DTNA: variants seen among roughly 807,000 people sequenced by gnomAD.
DTNA encodes the protein dystrophin-related protein 3.
Under a neutral mutation model 100.7 loss-of-function variants are expected in DTNA, and 43 were observed. The ratio of observed to expected loss-of-function variants is 0.43; its 90% CI spans 0.33 to 0.55. The LOEUF (loss-of-function observed/expected upper bound fraction) is 0.55. DTNA is among the 20% of genes least tolerant of loss of function. The pLI is 0.04. For synonymous variants in DTNA, 349 were observed against 347.9 expected, an observed-to-expected ratio of 1.00 and a Z score of -0.04; for missense variants, 798 against 953.9, an observed-to-expected ratio of 0.84 and a Z score of 2.15.
chr18:34,838,808 T>C lies in DTNA; in HGVS notation c.1317T>C (p.Tyr439=). 4 of 1,613,768 alleles carry C rather than the reference T, an allele frequency of 2.5e-6. No individual in the cohort carries two copies. In the South Asian group the frequency reaches 3.3e-5, roughly 13 times the overall value. ...ATGAACATGTTCTCATCGGGTTGTA[T>C]GTCAACATGCTCCGGAACAACCCCT... ...LADEHVLIGL[Y]VNMLRNNPSC... is the part of the protein sequence containing the mutation. Residue 439 remains tyrosine, a synonymous_variant, in exon 13 of 23, where the codon TAT becomes TAC. Transcript: ENST00000444659.
chr18:34,579,525 A>G (rs890013186), intron 1 of DTNA, among the ~76,000 whole-genome samples: 1 of 152,174 alleles, frequency 6.6e-6, no homozygotes, highest in African/African-American at 2.4e-5. Context: ...TTTCACCCTC[A>G]TGTTGAAAGA....
intron 1 of DTNA, among the ~76,000 whole-genome samples, chr18:34,552,468 G>A (rs878923879): frequency 0.025 from 3,826 of 150,324 alleles, 82 homozygotes; most frequent in Non-Finnish European, 0.039. Context: ...ATGCTGGTGC[G>A]CTGCACCCAC....
chr18:34,826,247 A>G lies in DTNA; in HGVS notation c.1002-1346A>G, dbSNP rs150115984. On this transcript the variant is annotated intron_variant, in intron 9 of 22. Coordinates refer to ENST00000444659, the MANE Select transcript of DTNA (RefSeq NM_001386795.1). ...TTTATTTTTTTATTTTTATTTTTCCATAAGTTATTGGGGTACAGGTGGCAT... is the reference window on the plus strand; with the variant it reads ...TTTATTTTTTTATTTTTATTTTTCCGTAAGTTATTGGGGTACAGGTGGCAT... Among the ~76,000 whole-genome samples, 49 of 152,026 alleles carry G rather than the reference A, an allele frequency of 3.2e-4. No individual in the cohort carries two copies. In the East Asian group the frequency reaches 8.9e-3, roughly 28 times the overall value.
intron 1 of DTNA, among the ~76,000 whole-genome samples, chr18:34,548,777 A>T (rs1485545466): frequency 6.6e-6 from 1 of 152,114 alleles, no homozygotes; most frequent in African/African-American, 2.4e-5. Context: ...CCTTAACAGA[A>T]GTATGTTAAT....
At chr18:34,586,817 GT>G (rs2049185273) in intron 1 of DTNA, among the ~76,000 whole-genome samples, 1 of 152,022 alleles carries the variant, frequency 6.6e-6, no homozygotes, top group Non-Finnish European at 1.5e-5. Context: ...AATAGAGGTG[GT>G]CCTCTGTCCC....
chr18:34,523,500 C>G (rs2042332045), intron 1 of DTNA, among the ~76,000 whole-genome samples: 1 of 152,058 alleles, frequency 6.6e-6, no homozygotes, highest in Non-Finnish European at 1.5e-5. Context: ...AATTTATAAG[C>G]ATCATGTCCA....
intron 1 of DTNA, among the ~76,000 whole-genome samples, chr18:34,639,938 A>C (rs1283421026): frequency 6.6e-6 from 1 of 152,184 alleles, no homozygotes; most frequent in East Asian, 1.9e-4. Context: ...CATTTCCCTG[A>C]GATTTACTGA....
chr18:34,791,937 G>A (rs746421751), intron 3 of DTNA, among the ~76,000 whole-genome samples: 11 of 152,200 alleles, frequency 7.2e-5, no homozygotes, highest in Non-Finnish European at 1.6e-4. Flanking sequence ...TCGTAGAAGA[G>A]CCAGATTTGC....
chr18:34,679,737 G>A (rs1023718143), intron 1 of DTNA: 6 of 152,070 alleles, frequency 3.9e-5, no homozygotes, highest in African/African-American at 1.4e-4. Context: ...TATTATCAAT[G>A]CCTTTCAGTT....
intron 1 of DTNA, among the ~76,000 whole-genome samples, chr18:34,718,328 A>G (rs1176743463): frequency 1.3e-5 from 2 of 152,190 alleles, no homozygotes; most frequent in African/African-American, 4.8e-5. Context: ...TAAAATCTTA[A>G]CATTCTTTGA....
At chr18:34,655,444 C>T (rs16965742) in intron 1 of DTNA, among the ~76,000 whole-genome samples, 2,463 of 152,222 alleles carry the variant, frequency 0.016, 46 homozygotes, top group African/African-American at 0.056. Flanking sequence ...GAAATGGTGG[C>T]TAAAGGCAAA....
At position 34,888,438 on chromosome 18, in the gene DTNA, C is replaced by T. The variant is rs938248268; in HGVS notation, c.*704C>T. 172 of 985,614 alleles carry T rather than the reference C, an allele frequency of 1.7e-4. No homozygotes were observed. Among genetic ancestry groups the T allele is most frequent in the Non-Finnish European group, 1.9e-4 (159 of 829,926 alleles). The allele number at this position is 985,614 out of a possible 1,614,324, so 61.1% of individuals were successfully genotyped here. ...TGAGCAGTGACTTGAACCAAACACA[C>T]CAGGAATAATCCATTCTTTGGGGCC... On this transcript the variant is annotated 3_prime_UTR_variant, in exon 23 of 23. Transcript: ENST00000444659.
At chr18:34,885,057 GCTATGAAACTTACCAA>G (rs1324561441) in intron 22 of DTNA, among the ~76,000 whole-genome samples, 2 of 152,128 alleles carry the variant, frequency 1.3e-5, no homozygotes, top group African/African-American at 2.4e-5. Context: ...ATCCTCTGTG[GCTATGAAACTTACCAA>G]TAAGTTTGTC....
chr18:34,661,784 T>C lies in DTNA; in HGVS notation c.-1-94192T>C, dbSNP rs149427207. ...GTGCAGAGGATAATGGTCAGTGAGA[T>C]CATGGAGGGAAATTAAGTTATATAT... On this transcript the variant is annotated intron_variant, in intron 1 of 19. Coordinates refer to the DTNA transcript ENST00000283365. 5.9e-5 allele frequency among the ~76,000 whole-genome samples: 9 copies of C among 152,220 alleles called. No individual in the cohort carries two copies. In the East Asian group the frequency reaches 1.7e-3, roughly 29 times the overall value.
At chr18:34,609,446 G>A (rs913836781) in intron 1 of DTNA, among the ~76,000 whole-genome samples, 2 of 151,770 alleles carry the variant, frequency 1.3e-5, no homozygotes, top group African/African-American at 2.4e-5. Flanking sequence ...GAGTTTCACC[G>A]TGTTAGCCAG....
intron 1 of DTNA, among the ~76,000 whole-genome samples, chr18:34,557,545 T>C (rs9950766): frequency 1.3e-3 from 196 of 151,294 alleles, no homozygotes; most frequent in African/African-American, 4.5e-3. Flanking sequence ...GATGGGTTTT[T>C]GGTGTGGATG....
chr18:34,866,317 TA>T, intron 17 of DTNA: 1 of 1,475,980 alleles, frequency 6.8e-7, no homozygotes, highest in Non-Finnish European at 9.0e-7. Flanking sequence ...GCATTTTTTA[TA>T]ACTATCACTA....
intron 3 of DTNA, among the ~76,000 whole-genome samples, chr18:34,769,926 G>A (rs2093682875): frequency 1.3e-5 from 2 of 151,550 alleles, no homozygotes; most frequent in South Asian, 4.2e-4. Flanking sequence ...TCACCATGTT[G>A]GTCAGGCTGG....
chr18:34,658,366 C>T (rs1183827022), intron 1 of DTNA, among the ~76,000 whole-genome samples: 1 of 152,038 alleles, frequency 6.6e-6, no homozygotes, highest in Non-Finnish European at 1.5e-5. Context: ...CTTTGTTTGT[C>T]TTTTGAGACA....
Sources: gnomAD v4.1 joint callset for allele counts (sites outside exome capture counted in the v4.1 genomes callset) on GRCh38, gnomAD v4.1.1 for gene constraint, MANE v1.5 for transcripts, NCBI Gene and HGNC (gene_info 2026-07-23, HGNC 2026-07-21) for gene names.